RPS14: variants seen among roughly 807,000 people sequenced by gnomAD.
RPS14 encodes small ribosomal subunit protein uS11.
A neutral mutation model predicts 15.4 loss-of-function variants in RPS14; 1 was observed. The ratio of observed to expected loss-of-function variants is 0.07; its 90% CI spans 0.02 to 0.31. The LOEUF (loss-of-function observed/expected upper bound fraction) is 0.31. RPS14 is among the 10% of genes least tolerant of loss of function. RPS14 has a pLI of 1.00. For missense variants in RPS14, 69 were observed against 205.5 expected (o/e 0.34, Z 4.06); for synonymous variants, 68 against 74.4 (o/e 0.91, Z 0.44).
rs1771072925 is a variant in RPS14 at position 150,445,673 on chromosome 5, A to G, written c.324T>C (p.Pro108=). 1.2e-6 allele frequency: 2 copies of G among 1,609,324 alleles called. No individual in the cohort carries two copies. Among genetic ancestry groups the G allele is most frequent in the Non-Finnish European group, 1.7e-6 (2 of 1,178,954 alleles). ...TGAGGGCCGACTGGGCCCCAGGTCC[A>G]GGGGTCTTGGTCCTAGAAAATGAAG... The part of the protein sequence containing the change: ...RATGGNRTKT[P]GPGAQSALRA... Residue 108 remains proline, a synonymous_variant, in exon 4 of 5, where the codon CCT becomes CCC. Coordinates refer to ENST00000407193, the MANE Select transcript of RPS14 (RefSeq NM_005617.4).
intron 4 of RPS14, chr5:150,444,658 T>C (rs1165260064): frequency 5.1e-6 from 3 of 586,300 alleles, no homozygotes. Context: ...GAAAAAACCC[T>C]TTTAGACAGG....
At chr5:150,444,656 C>T in intron 4 of RPS14, 1 of 590,412 alleles carries the variant, frequency 1.7e-6, no homozygotes, top group South Asian at 1.5e-5. Context: ...AGGAAAAAAC[C>T]CTTTTAGACA....
chr5:150,443,011 A>T lies in RPS14; in HGVS notation c.*1275T>A, dbSNP rs1208362180. ...CTGTGCCCTGCCTTTATCCTATTTC[A>T]CTAGTTTTTATACTAATACCCTATT... On this transcript the variant is annotated 3_prime_UTR_variant, in exon 5 of 5. Coordinates refer to ENST00000407193, the MANE Select transcript of RPS14 (RefSeq NM_005617.4). The T allele has an allele frequency of 6.6e-6, 1 of 151,974 alleles. No individual in the cohort carries two copies. Among genetic ancestry groups the T allele is most frequent in the Non-Finnish European group, 1.5e-5 (1 of 68,012 alleles). The allele number at this position is 151,974 out of a possible 1,614,324, so 9.4% of individuals were successfully genotyped here.
At position 150,446,845 on chromosome 5, in the gene RPS14, T is replaced by C. The variant is rs1561568205; in HGVS notation, c.268A>G (p.Ile90Val). The C allele has an allele frequency of 1.9e-6, 3 of 1,614,198 alleles. No individual in the cohort carries two copies. Among genetic ancestry groups the C allele is most frequent in the East Asian group, 2.2e-5 (1 of 44,888 alleles). ...DVAQRCKELG[I>V]TALHIKLRAT... ...CGGAGTTTGATGTGTAGGGCGGTGA[T>C]ACCCAGCTCCTTGCACCTCTGGGCC... Residue 90 changes from isoleucine (I) to valine (V), a missense_variant, in exon 3 of 5, where the codon ATC becomes GTC. Transcript: ENST00000407193. The surrounding 1 kb of genome is among the most constrained non-coding windows in gnomAD (Gnocchi z 4.2).
intron 4 of RPS14, 41 bp from the exon 5 acceptor site, chr5:150,444,394 T>C (rs1464837251): frequency 6.3e-7 from 1 of 1,577,746 alleles, no homozygotes. Context: ...TGGAGCTGGA[T>C]GGGAAGGGCC....
chr5:150,444,375 G>A (rs748078344), intron 4 of RPS14, 22 bp from the exon 5 acceptor site: 179 of 1,601,820 alleles, frequency 1.1e-4, no homozygotes, highest in Non-Finnish European at 1.4e-4. Context: ...AAGAGAAAGC[G>A]TCATTGCCTG....
intron 3 of RPS14, 102 bp from the exon 4 acceptor site, chr5:150,445,787 T>C: frequency 3.3e-6 from 3 of 903,232 alleles, no homozygotes; most frequent in Non-Finnish European, 5.2e-6. Flanking sequence ...GTCTGCAAAC[T>C]TTCTGTAAAG....
At position 150,447,623 on chromosome 5, in the gene RPS14, G is replaced by A; in HGVS notation, c.111C>T (p.Phe37=). Residue 37 remains phenylalanine, a synonymous_variant, in exon 2 of 5, where the codon TTC becomes TTT. Transcript: ENST00000407193. ...VFGVCHIFAS[F]NDTFVHVTDL... is the part of the protein sequence containing the mutation. ...CAGTGACATGGACAAAAGTGTCATT[G>A]AAGGATGCAAAGATATGGCAGACAC... 24 of 1,613,862 alleles carry A rather than the reference G, an allele frequency of 1.5e-5. No individual in the cohort carries two copies. The highest frequency in any genetic ancestry group is 2.0e-5 in the Non-Finnish European group (24 of 1,179,954).
intron 2 of RPS14, 85 bp from the exon 3 acceptor site, chr5:150,447,048 C>T (rs913085483): frequency 2.0e-6 from 3 of 1,506,736 alleles, no homozygotes; most frequent in Non-Finnish European, 2.7e-6. Context: ...CAACACAGCT[C>T]AGTCATGGTG....
Position 150,445,632 on chromosome 5 carries a change from G to A in RPS14, c.365C>T (p.Ser122Leu). The A allele has an allele frequency of 1.2e-6, 2 of 1,612,830 alleles. No homozygotes were observed. Among genetic ancestry groups the A allele is most frequent in the Non-Finnish European group, 1.7e-6 (2 of 1,179,734 alleles). ...AQSALRALAR[S>L]GMKIGRIEDV... ...ACCAATCCGCCCGATCTTCATACCCGAGCGGGCAAGGGCTCTGAGGGCCGA... is the reference window on the plus strand; with the variant it reads ...ACCAATCCGCCCGATCTTCATACCCAAGCGGGCAAGGGCTCTGAGGGCCGA... The change falls in exon 4 of 5, where the codon TCG becomes TTG. Residue 122 changes from serine (S) to leucine (L), a missense_variant. Physicochemically the swap from Ser to Leu is moderately radical, Grantham distance 145. Coordinates refer to ENST00000407193, the MANE Select transcript of RPS14 (RefSeq NM_005617.4).
chr5:150,448,437 C>A (rs375392070), intron 1 of RPS14: 2 of 152,158 alleles, frequency 1.3e-5, no homozygotes, highest in South Asian at 2.1e-4. Flanking sequence ...CATACTGTCA[C>A]AAGATCTAAG....
chr5:150,447,759 A>C (rs764792570), intron 1 of RPS14, 24 bp from the exon 2 acceptor site: 5 of 1,609,266 alleles, frequency 3.1e-6, no homozygotes, highest in Non-Finnish European at 4.3e-6. Context: ...AAAGAAACTC[A>C]AGGTTAACAG....
At position 150,446,137 on chromosome 5, in the gene RPS14, AG is replaced by A. The variant is rs1771086682; in HGVS notation, c.312-453del. 6.6e-6 allele frequency among the ~76,000 whole-genome samples: 1 copy of A among 151,508 alleles called. No homozygotes were observed. The highest frequency in any genetic ancestry group is 6.6e-5 in the Admixed American group (1 of 15,230). On this transcript the variant is annotated intron_variant, in intron 3 of 4. Transcript: ENST00000407193. The surrounding 1 kb of genome is among the most constrained non-coding windows in gnomAD (Gnocchi z 4.2). ...GCCAGACAGTAAATATTTTAGGCTG[AG>A]GGGGCCACTATGGTTTGTTGTTATG...
intron 1 of RPS14, chr5:150,447,937 A>G (rs1056818540): frequency 2.8e-5 from 16 of 562,604 alleles, no homozygotes; most frequent in Non-Finnish European, 4.4e-5. Flanking sequence ...GCCACATGGC[A>G]AAGTACCATG....
At position 150,447,621 on chromosome 5, in the gene RPS14, T is replaced by C. The variant is rs149188074; in HGVS notation, c.113A>G (p.Asn38Ser). The change falls in exon 2 of 5, where the codon AAT (asparagine) becomes AGT (serine). Residue 38 changes from asparagine (N) to serine (S), a missense_variant. By Grantham distance (46) the Asn-to-Ser change is conservative. Coordinates refer to ENST00000407193, the MANE Select transcript of RPS14 (RefSeq NM_005617.4). ...ATCAGTGACATGGACAAAAGTGTCA[T>C]TGAAGGATGCAAAGATATGGCAGAC... ...FGVCHIFASF[N>S]DTFVHVTDLS... 33 of 1,613,712 alleles carry C rather than the reference T, an allele frequency of 2.0e-5. No individual in the cohort carries two copies. Among genetic ancestry groups the C allele is most frequent in the Admixed American group, 3.3e-5 (2 of 59,982 alleles).
intron 4 of RPS14, 183 bp from the exon 5 acceptor site, chr5:150,444,536 A>T (rs1771031094): frequency 3.0e-6 from 2 of 674,392 alleles, no homozygotes; most frequent in African/African-American, 3.6e-5. Context: ...GAATTTCCTG[A>T]CGTGGTCTTA....
chr5:150,449,404 A>G (rs1771203790), intron 1 of RPS14: 2 of 152,160 alleles, frequency 1.3e-5, no homozygotes, highest in South Asian at 2.1e-4. Flanking sequence ...GGTTCCCTCA[A>G]CTACGCTGTG....
intron 4 of RPS14, 33 bp from the exon 5 acceptor site, chr5:150,444,386 G>A: frequency 6.3e-7 from 1 of 1,593,156 alleles, no homozygotes; most frequent in Non-Finnish European, 8.6e-7. Flanking sequence ...TCATTGCCTG[G>A]AGCTGGATGG....
Position 150,444,216 on chromosome 5 carries a change from G to A in RPS14, c.*70C>T. On this transcript the variant is annotated 3_prime_UTR_variant, in exon 5 of 5. Coordinates refer to ENST00000407193, the MANE Select transcript of RPS14 (RefSeq NM_005617.4). ...TGCCTGAGTAGCCCCTGATGAAGGA[G>A]AGAAGGCTGGAGTTGAAACAGTTTA... The A allele has an allele frequency of 6.5e-7, 1 of 1,544,408 alleles. No individual in the cohort carries two copies. Among genetic ancestry groups the A allele is most frequent in the Non-Finnish European group, 8.8e-7 (1 of 1,141,468 alleles).
Sources: allele counts gnomAD v4.1 joint callset (sites outside exome capture counted in the v4.1 genomes callset), GRCh38; gene constraint gnomAD v4.1.1; non-coding constraint Gnocchi (gnomAD v3.1); transcripts MANE v1.5; gene names NCBI Gene and HGNC (gene_info 2026-07-23, HGNC 2026-07-21).